Variants in CLTC observed in about 807,000 individuals in gnomAD.
The protein encoded by CLTC is clathrin heavy chain, also known as clathrin heavy chain 1.
A neutral mutation model predicts 195.8 loss-of-function variants in CLTC; 16 were observed. The observed-to-expected ratio is 0.08, with a 90% CI of 0.06 to 0.12. CLTC has a LOEUF of 0.12. Among genes scored for constraint, CLTC ranks in the 10% least tolerant of loss-of-function variants. CLTC has a pLI of 1.00. For missense variants in CLTC, 796 were observed against 2,027.0 expected, an observed-to-expected ratio of 0.39 and a Z score of 11.66; for synonymous variants, 667 against 689.4, an observed-to-expected ratio of 0.97 and a Z score of 0.51.
intron 16 of CLTC, among the ~76,000 whole-genome samples, chr17:59,675,847 G>T (rs1427221710): frequency 6.6e-6 from 1 of 152,198 alleles, no homozygotes; most frequent in African/African-American, 2.4e-5. Context: ...GTCTAGACAT[G>T]CCTCAGCTAA....
At position 59,673,757 on chromosome 17, in the gene CLTC, G is replaced by A. The variant is rs1397391607; in HGVS notation, c.2403G>A (p.Glu801=). 3.9e-6 allele frequency: 5 copies of A among 1,273,084 alleles called. No homozygotes were observed. The highest frequency in any genetic ancestry group is 4.6e-6 in the Non-Finnish European group (4 of 870,816). The allele number at this position is 1,273,084 out of a possible 1,614,324, so 78.9% of individuals were successfully genotyped here. A position where few individuals can be genotyped will look rare whatever the true frequency, so the allele number is the denominator to read the frequency against. ...GAAATAATCTTCAAAAGTATATAGA[G>A]ATATATGTACAGAAGGTAAGTAATA... ...LYRNNLQKYI[E]IYVQKVNPSR... is the part of the protein sequence containing the mutation. The change falls in exon 15 of 32, where the codon GAG becomes GAA. Residue 801 remains glutamate, a synonymous_variant. Coordinates refer to ENST00000269122, the MANE Select transcript of CLTC (RefSeq NM_004859.4).
At chr17:59,674,606 A>C in intron 15 of CLTC, 95 bp from the exon 16 acceptor site, 2 of 1,174,682 alleles carry the variant, frequency 1.7e-6, no homozygotes, top group Non-Finnish European at 2.3e-6. Flanking sequence ...AGAAAAAAAA[A>C]CTGAGCTTAA....
chr17:59,635,945 C>A (rs372885168), intron 1 of CLTC, among the ~76,000 whole-genome samples: 1 of 152,166 alleles, frequency 6.6e-6, no homozygotes, highest in East Asian at 1.9e-4. Flanking sequence ...CGTGGTGGCT[C>A]ATGCCTGTAA....
intron 5 of CLTC, among the ~76,000 whole-genome samples, chr17:59,653,706 G>A (rs2032389367): frequency 6.6e-6 from 1 of 150,614 alleles, no homozygotes; most frequent in Non-Finnish European, 1.5e-5. Flanking sequence ...AGGACTACAG[G>A]TACATGCCAG....
At chr17:59,646,109 C>T (rs1347963773) in intron 2 of CLTC, 1 of 384,116 alleles carries the variant, frequency 2.6e-6, no homozygotes, top group Non-Finnish European at 3.6e-6. Context: ...TGTACAATAA[C>T]ATCATAGATT....
intron 1 of CLTC, among the ~76,000 whole-genome samples, chr17:59,621,547 G>GTAT (rs2031380057): frequency 6.6e-6 from 1 of 152,186 alleles, no homozygotes; most frequent in East Asian, 1.9e-4. Context: ...TTCTTTGCAA[G>GTAT]TATTACCATG....
intron 1 of CLTC, among the ~76,000 whole-genome samples, chr17:59,627,398 G>A (rs2143444561): frequency 6.6e-6 from 1 of 152,294 alleles, no homozygotes; most frequent in South Asian, 2.1e-4. Flanking sequence ...TGTAGAGATT[G>A]GGCAACTGAA....
chr17:59,678,872 A>G (rs971013172), intron 17 of CLTC, among the ~76,000 whole-genome samples: 3 of 151,678 alleles, frequency 2.0e-5, no homozygotes, highest in Admixed American at 6.6e-5. Flanking sequence ...GGGAGGTGCC[A>G]TGCACTTGGT....
chr17:59,690,807 G>A (rs979725001), intron 31 of CLTC, 96 bp downstream of exon 31: 1 of 904,726 alleles, frequency 1.1e-6, no homozygotes, highest in Non-Finnish European at 1.7e-6. Context: ...CTTCTAAAGT[G>A]CAAAAGGCTT....
intron 14 of CLTC, 61 bp from the exon 15 acceptor site, chr17:59,673,586 A>G: frequency 1.1e-5 from 14 of 1,311,402 alleles, no homozygotes; most frequent in Non-Finnish European, 1.5e-5. Flanking sequence ...CTCATATGTT[A>G]CACAGATTTG....
chr17:59,669,946 A>G (rs954759111), intron 14 of CLTC, among the ~76,000 whole-genome samples: 2 of 152,204 alleles, frequency 1.3e-5, no homozygotes, highest in Admixed American at 6.5e-5. Flanking sequence ...TTAAATAGCA[A>G]AACCCTTAGG....
In CLTC at chr17:59,660,450, A is replaced by G. The variant is rs146333268; in HGVS notation, c.1029A>G (p.Gln343=). The G allele has an allele frequency of 6.8e-5, 109 of 1,614,160 alleles. No individual in the cohort carries two copies. In the African/African-American group the frequency reaches 1.1e-3, roughly 17 times the overall value. The part of the protein sequence containing the change: ...NIIPYITNVL[Q]NPDLALRMAV... The stretch of plus-strand genomic sequence containing the variant: ...TTCCTTACATCACCAATGTTCTACA[A>G]AATCCTGATTTGGCTCTGAGAATGG... The change falls in exon 7 of 32, where the codon CAA becomes CAG. Residue 343 remains glutamine (Q), a synonymous_variant. Transcript: ENST00000269122.
intron 1 of CLTC, among the ~76,000 whole-genome samples, chr17:59,621,128 G>C (rs990858011): frequency 1.3e-5 from 2 of 152,162 alleles, no homozygotes; most frequent in African/African-American, 4.8e-5. Flanking sequence ...TCTTCCCCAT[G>C]GTTCCTTATC....
chr17:59,656,100 G>A (rs1240830947), intron 6 of CLTC, 73 bp downstream of exon 6: 2 of 1,296,664 alleles, frequency 1.5e-6, no homozygotes, highest in Admixed American at 2.8e-5. Context: ...GTCCTTTTGA[G>A]AAATTACTCC....
Position 59,681,499 on chromosome 17 carries a change from A to T in CLTC, c.3249+21A>T. On this transcript the variant is annotated intron_variant, in intron 20 of 31. Transcript: ENST00000269122. This position sits in a 1 kb window ranked among gnomAD's most constrained non-coding sequence, Gnocchi z 5.0. ...TTCAGGTAAATCTTCAGATTACCTA[A>T]GTTGAATTACTAAACACTGTGCTAT... The T allele has an allele frequency of 6.2e-7, 1 of 1,612,782 alleles. No individual in the cohort carries two copies. Among genetic ancestry groups the T allele is most frequent in the African/African-American group, 1.3e-5 (1 of 75,034 alleles).
At chr17:59,620,375 G>A (rs528551806) in intron 1 of CLTC, among the ~76,000 whole-genome samples, 1 of 152,186 alleles carries the variant, frequency 6.6e-6, no homozygotes, top group East Asian at 1.9e-4. Context: ...ACAGGAGTTG[G>A]GGTGCAAAGA....
chr17:59,673,966 A>C (rs2032910186), intron 15 of CLTC, among the ~76,000 whole-genome samples, 194 bp downstream of exon 15: 2 of 152,066 alleles, frequency 1.3e-5, no homozygotes, highest in South Asian at 4.1e-4. Flanking sequence ...TGGCACAATC[A>C]CAGCTCACTC....
At chr17:59,663,005 C>A (rs1045945898) in intron 8 of CLTC, among the ~76,000 whole-genome samples, 2 of 151,830 alleles carry the variant, frequency 1.3e-5, no homozygotes, top group Admixed American at 1.3e-4. Flanking sequence ...TTTTAGGTAT[C>A]ATTATCCTTT....
chr17:59,685,382 TTA>T lies in CLTC; in HGVS notation c.4605+158_4605+159del, dbSNP rs2033162493. On this transcript the variant is annotated intron_variant, in intron 29 of 31. Coordinates refer to ENST00000269122, the MANE Select transcript of CLTC (RefSeq NM_004859.4). The surrounding 1 kb of genome is among the most constrained non-coding windows in gnomAD (Gnocchi z 5.0). ...GGATTTCTTGATTCTAGGGGCTCTC[TTA>T]TGTTAAGGTCAAACTTGTCTGGGGA... 6.6e-6 allele frequency among the ~76,000 whole-genome samples: 1 copy of T among 152,218 alleles called. No individual in the cohort carries two copies. The highest frequency in any genetic ancestry group is 2.4e-5 in the African/African-American group (1 of 41,444).
Sources: allele counts gnomAD v4.1 joint callset (sites outside exome capture counted in the v4.1 genomes callset), GRCh38; gene constraint gnomAD v4.1.1; non-coding constraint Gnocchi (gnomAD v3.1); transcripts MANE v1.5; gene names NCBI Gene and HGNC (gene_info 2026-07-23, HGNC 2026-07-21).